VPS54: variants seen among roughly 807,000 people sequenced by gnomAD.
VPS54 encodes the protein VPS54 subunit of GARP complex, also known as vacuolar protein sorting-associated protein 54.
In VPS54, 45 loss-of-function variants were observed where a neutral mutation model predicts 121.5. The observed-to-expected ratio is 0.37, with a 90% CI of 0.29 to 0.47. The LOEUF is 0.47. Ranked by LOEUF, VPS54 falls within the 20% of genes least tolerant of loss-of-function variation. The pLI, the probability that VPS54 is intolerant of heterozygous loss-of-function variation, is 0.99. For synonymous variants in VPS54, 371 were observed against 385.8 expected (o/e 0.96, Z 0.45); for missense variants, 1,090 against 1,131.4 (o/e 0.96, Z 0.52).
intron 20 of VPS54, among the ~76,000 whole-genome samples, chr2:63,908,502 T>G (rs1482720265): frequency 6.6e-6 from 1 of 152,170 alleles, no homozygotes; most frequent in Non-Finnish European, 1.5e-5. Context: ...TAGATACAGA[T>G]AGTATACATA....
chr2:64,019,390 A>G lies in VPS54; in HGVS notation c.-473T>C, dbSNP rs1015524081. Among the ~76,000 whole-genome samples, 58 of 150,902 alleles carry G rather than the reference A, an allele frequency of 3.8e-4. No individual in the cohort carries two copies. The highest frequency in any genetic ancestry group is 1.4e-3 in the African/African-American group (56 of 41,304). On this transcript the variant is annotated 5_prime_UTR_variant, in exon 1 of 23. Transcript: ENST00000272322. ...GCTCGGCCCGGTCGGGTGCGGGGAG[A>G]CAGCGCCGGAGGCCGCCGCAGCCCC...
chr2:63,974,441 T>C (rs1219900068), intron 3 of VPS54, among the ~76,000 whole-genome samples: 2 of 152,218 alleles, frequency 1.3e-5, no homozygotes, highest in Non-Finnish European at 2.9e-5. Context: ...TCTTTTTCTA[T>C]ATAAGCTTTA....
chr2:63,899,316 T>A (rs889748858), intron 21 of VPS54, among the ~76,000 whole-genome samples, 158 bp downstream of exon 21: 2 of 152,208 alleles, frequency 1.3e-5, no homozygotes, highest in Admixed American at 6.5e-5. Flanking sequence ...ATTAGAAATT[T>A]TTATCCATGT....
At position 63,893,399 on chromosome 2, in the gene VPS54, C is replaced by A; in HGVS notation, c.*31G>T. On this transcript the variant is annotated 3_prime_UTR_variant, in exon 23 of 23. Coordinates refer to ENST00000272322, the MANE Select transcript of VPS54 (RefSeq NM_016516.3). ...CTTCATAACAAACACATCCCATGGT[C>A]AGATGAACTACCCAGTTTTCCAGGA... 6.4e-7 allele frequency: 1 copy of A among 1,561,362 alleles called. No homozygotes were observed. Among genetic ancestry groups the A allele is most frequent in the South Asian group, 1.1e-5 (1 of 89,864 alleles).
intron 1 of VPS54, among the ~76,000 whole-genome samples, chr2:63,993,599 G>A (rs767738877): frequency 2.0e-4 from 30 of 152,144 alleles, no homozygotes; most frequent in Admixed American, 2.6e-4. Context: ...TAAAATTTCC[G>A]GATTTGATCC....
chr2:63,996,719 A>G (rs1677613558), intron 1 of VPS54, among the ~76,000 whole-genome samples: 1 of 152,142 alleles, frequency 6.6e-6, no homozygotes, highest in African/African-American at 2.4e-5. Context: ...CCGCTCTGGG[A>G]GTGTCTGCCT....
intron 22 of VPS54, among the ~76,000 whole-genome samples, chr2:63,893,836 AAAT>A (rs974968586): frequency 6.6e-6 from 1 of 152,242 alleles, no homozygotes; most frequent in Non-Finnish European, 1.5e-5. Flanking sequence ...TATACAGAGA[AAAT>A]AACAGGCTAA....
intron 12 of VPS54, among the ~76,000 whole-genome samples, chr2:63,923,756 T>C (rs943850855): frequency 2.0e-5 from 3 of 152,226 alleles, no homozygotes; most frequent in Non-Finnish European, 4.4e-5. Context: ...CTGTGCCTTA[T>C]TTGCATTGCA....
intron 3 of VPS54, among the ~76,000 whole-genome samples, chr2:63,980,553 T>C (rs1174624790): frequency 6.6e-6 from 1 of 152,154 alleles, no homozygotes; most frequent in African/African-American, 2.4e-5. Flanking sequence ...ATTCCATTTC[T>C]GTCTTCCATT....
chr2:63,978,437 C>G (rs1676649646), intron 3 of VPS54, among the ~76,000 whole-genome samples: 1 of 152,134 alleles, frequency 6.6e-6, no homozygotes, highest in Admixed American at 6.5e-5. Flanking sequence ...TATCCTAGAA[C>G]CAGACCTGTC....
intron 15 of VPS54, among the ~76,000 whole-genome samples, chr2:63,917,497 T>C (rs552220650): frequency 6.6e-6 from 1 of 152,140 alleles, no homozygotes; most frequent in South Asian, 2.1e-4. Flanking sequence ...ATTTTCAGCA[T>C]GTGATATTTC....
chr2:63,949,493 A>C (rs1675139564), intron 7 of VPS54, among the ~76,000 whole-genome samples: 2 of 152,224 alleles, frequency 1.3e-5, no homozygotes, highest in African/African-American at 4.8e-5. Context: ...CCAATAACAT[A>C]AAGTCAGTGA....
chr2:63,929,631 C>CAAAAG (rs1285672634), intron 12 of VPS54, among the ~76,000 whole-genome samples: 1 of 149,866 alleles, frequency 6.7e-6, no homozygotes, highest in Non-Finnish European at 1.5e-5. Flanking sequence ...CAAACACATT[C>CAAAAG]AAAAGCTAGC....
chr2:63,971,885 CAT>C (rs1376548309), intron 4 of VPS54, among the ~76,000 whole-genome samples: 1 of 152,186 alleles, frequency 6.6e-6, no homozygotes, highest in Non-Finnish European at 1.5e-5. Context: ...GGACTACACA[CAT>C]GTGCCATCAT....
intron 12 of VPS54, among the ~76,000 whole-genome samples, chr2:63,933,371 T>C (rs954648250): frequency 4.6e-5 from 7 of 152,142 alleles, no homozygotes; most frequent in African/African-American, 1.4e-4. Flanking sequence ...CACTAGTCAC[T>C]GTAAGCAAGT....
intron 3 of VPS54, among the ~76,000 whole-genome samples, chr2:63,977,176 A>G (rs62136417): frequency 0.12 from 18,044 of 152,140 alleles, 1,992 homozygotes; most frequent in African/African-American, 0.29. Flanking sequence ...TTTATTGATC[A>G]CAAAGAACCA....
intron 18 of VPS54, 85 bp downstream of exon 18, chr2:63,913,138 A>G: frequency 8.9e-7 from 1 of 1,126,556 alleles, no homozygotes; most frequent in Non-Finnish European, 1.3e-6. Context: ...AGAGCCATGA[A>G]AACATGAGGT....
intron 12 of VPS54, among the ~76,000 whole-genome samples, chr2:63,929,229 A>T (rs1042769373): frequency 1.3e-5 from 2 of 152,210 alleles, no homozygotes; most frequent in Admixed American, 6.5e-5. Flanking sequence ...TCAGCACCAC[A>T]TCACACTTAT....
chr2:63,920,347 C>T, intron 14 of VPS54, 99 bp downstream of exon 14: 1 of 1,133,794 alleles, frequency 8.8e-7, no homozygotes, highest in Non-Finnish European at 1.2e-6. Flanking sequence ...CTTTATCAGG[C>T]ATTTTCACTG....
Sources: gnomAD v4.1 joint callset for allele counts (sites outside exome capture counted in the v4.1 genomes callset) on GRCh38, gnomAD v4.1.1 for gene constraint, MANE v1.5 for transcripts, NCBI Gene and HGNC (gene_info 2026-07-23, HGNC 2026-07-21) for gene names.